Variants in PCDHGB5 observed in about 807,000 individuals in gnomAD.
PCDHGB5 encodes protocadherin gamma-B5.
Under a neutral mutation model 62.9 loss-of-function variants are expected in PCDHGB5, and 48 were observed. The ratio of observed to expected loss-of-function variants is 0.76; its 90% CI spans 0.61 to 0.97. The LOEUF is 0.97. PCDHGB5 is among the 50% of genes least tolerant of loss of function. The pLI, the probability that PCDHGB5 is intolerant of heterozygous loss-of-function variation, is 0.00. For synonymous variants in PCDHGB5, 474 were observed against 511.2 expected (o/e 0.93, Z 0.98); for missense variants, 1,118 against 1,198.6 (o/e 0.93, Z 0.99).
At chr5:141,419,443 C>A in intron 1 of PCDHGB5, 1 of 1,613,080 alleles carries the variant, frequency 6.2e-7, no homozygotes, top group Non-Finnish European at 8.5e-7. Context: ...TGCGCACCTT[C>A]GAGCTCACGC....
At chr5:141,437,460 T>C (rs2097886220) in intron 1 of PCDHGB5, among the ~76,000 whole-genome samples, 1 of 152,230 alleles carries the variant, frequency 6.6e-6, no homozygotes, top group South Asian at 2.1e-4. Flanking sequence ...GAGACTATAC[T>C]ATACTTTTAT....
At position 141,476,943 on chromosome 5, in the gene PCDHGB5, A is replaced by G. The variant is rs538990482; in HGVS notation, c.2398-17864A>G. On this transcript the variant is annotated intron_variant, in intron 1 of 3. Coordinates refer to ENST00000617380, the MANE Select transcript of PCDHGB5 (RefSeq NM_018925.3). This position sits in a 1 kb window ranked among gnomAD's most constrained non-coding sequence, Gnocchi z 7.6. ...GCAACGGATCTGGATGAAGGCCCCA[A>G]CGGTGAAATTATTTACTCCTTCGGC... 14 of 1,614,170 alleles carry G rather than the reference A, an allele frequency of 8.7e-6. No individual in the cohort carries two copies. Among genetic ancestry groups the G allele is most frequent in the South Asian group, 1.1e-5 (1 of 91,086 alleles).
At chr5:141,478,299 G>A (rs201916687) in intron 1 of PCDHGB5, 1 of 1,614,056 alleles carries the variant, frequency 6.2e-7, no homozygotes, top group Non-Finnish European at 8.5e-7. Flanking sequence ...GACCTATACC[G>A]AGCCCCGGTG....
chr5:141,403,254 G>A (rs2094383546), intron 1 of PCDHGB5: 3 of 1,613,830 alleles, frequency 1.9e-6, no homozygotes, highest in Non-Finnish European at 2.5e-6. Flanking sequence ...CAGAGCCCGC[G>A]GTGTCTGGTG....
intron 1 of PCDHGB5, among the ~76,000 whole-genome samples, chr5:141,484,774 C>T (rs1269490742): frequency 6.6e-6 from 1 of 151,782 alleles, no homozygotes; most frequent in Non-Finnish European, 1.5e-5. Context: ...ATGTTGTCTG[C>T]CTCCCCACAG....
At chr5:141,430,980 T>C in intron 1 of PCDHGB5, 1 of 1,613,618 alleles carries the variant, frequency 6.2e-7, no homozygotes, top group African/African-American at 1.3e-5. Context: ...AGGACGCAGC[T>C]TTTCGCCCTG....
chr5:141,511,711 T>G lies in PCDHGB5; in HGVS notation c.*538T>G. 1 of 185,916 alleles carries G rather than the reference T, an allele frequency of 5.4e-6. No individual in the cohort carries two copies. Among genetic ancestry groups the G allele is most frequent in the South Asian group, 1.1e-4 (1 of 8,818 alleles). The allele number at this position is 185,916 out of a possible 1,614,324, so 11.5% of individuals were successfully genotyped here. A position where few individuals can be genotyped will look rare whatever the true frequency, so the allele number is the denominator to read the frequency against. Reference sequence around the variant, plus strand: ...GTTTGGTGCCAGCCCCTTCACCTCCTTCCAGAGCCCAAGATCAATGCTCAA... The same window carrying G: ...GTTTGGTGCCAGCCCCTTCACCTCCGTCCAGAGCCCAAGATCAATGCTCAA... On this transcript the variant is annotated 3_prime_UTR_variant, in exon 4 of 4. Transcript: ENST00000617380.
intron 1 of PCDHGB5, among the ~76,000 whole-genome samples, chr5:141,453,049 G>C (rs1287375098): frequency 1.3e-5 from 2 of 152,222 alleles, no homozygotes; most frequent in East Asian, 3.9e-4. Context: ...TCTATTATGT[G>C]CAGTTTTAGA....
At chr5:141,430,633 C>T in intron 1 of PCDHGB5, 1 of 868,018 alleles carries the variant, frequency 1.2e-6, no homozygotes, top group Non-Finnish European at 1.7e-6. Context: ...ATGAACCATC[C>T]CTGGGAGTAT....
chr5:141,409,613 A>G lies in PCDHGB5; in HGVS notation c.2397+9089A>G, dbSNP rs370495173. On this transcript the variant is annotated intron_variant, in intron 1 of 3. Coordinates refer to ENST00000617380, the MANE Select transcript of PCDHGB5 (RefSeq NM_018925.3). Reference sequence around the variant, plus strand: ...CGAGAACAACCCGCCAGGAGCCTCCATTGCGCAAGTGAGCGCCTCTGACCC... The same window carrying G: ...CGAGAACAACCCGCCAGGAGCCTCCGTTGCGCAAGTGAGCGCCTCTGACCC... The G allele has an allele frequency of 8.4e-5, 136 of 1,613,856 alleles. No individual in the cohort carries two copies. Among genetic ancestry groups the G allele is most frequent in the Middle Eastern group, 8.2e-4 (5 of 6,062 alleles).
rs747671382 is a variant in PCDHGB5 at position 141,444,152 on chromosome 5, A to ATTTTTTTT, written c.2397+43657_2397+43664dup. ...GATATGTGTCACTTGTGTGTACTGG[A>ATTTTTTTT]TTTTTTTTTTTTTTTTTTTTTTTTT... On this transcript the variant is annotated intron_variant, in intron 1 of 3. Transcript: ENST00000617380. Among the ~76,000 whole-genome samples, 8 of 33,898 alleles carry ATTTTTTTT rather than the reference A, an allele frequency of 2.4e-4. 3 individuals are homozygous for ATTTTTTTT. Among genetic ancestry groups the ATTTTTTTT allele is most frequent in the African/African-American group, 5.6e-4 (4 of 7,184 alleles). The allele number at this position is 33,898 out of a possible 152,430, so 22.2% of individuals were successfully genotyped here.
intron 1 of PCDHGB5, among the ~76,000 whole-genome samples, chr5:141,451,429 G>A (rs577699188): frequency 1.3e-3 from 195 of 152,306 alleles, no homozygotes; most frequent in African/African-American, 4.5e-3. Flanking sequence ...TAGACTAAGG[G>A]TTCCAGTTCC....
At chr5:141,434,035 T>C (rs2154556047) in intron 1 of PCDHGB5, among the ~76,000 whole-genome samples, 1 of 152,316 alleles carries the variant, frequency 6.6e-6, no homozygotes, top group Non-Finnish European at 1.5e-5. Flanking sequence ...AAGCATGGTT[T>C]TCTATTTTAT....
chr5:141,431,162 G>C lies in PCDHGB5; in HGVS notation c.2397+30638G>C, dbSNP rs757521794. The C allele has an allele frequency of 3.1e-6, 5 of 1,614,246 alleles. No homozygotes were observed. The South Asian group carries it at 5.5e-5, about 18-fold the overall frequency. On this transcript the variant is annotated intron_variant, in intron 1 of 3. Coordinates refer to ENST00000617380, the MANE Select transcript of PCDHGB5 (RefSeq NM_018925.3). The surrounding 1 kb of genome is among the most constrained non-coding windows in gnomAD (Gnocchi z 4.8). Reference sequence around the variant, plus strand: ...TAACGACAATGCGCCTTACTTTCGTGAAAGTGAATTAGAAATAAAAATTAG... The same window carrying C: ...TAACGACAATGCGCCTTACTTTCGTCAAAGTGAATTAGAAATAAAAATTAG...
chr5:141,433,304 C>T, intron 1 of PCDHGB5: 1 of 932,004 alleles, frequency 1.1e-6, no homozygotes, highest in Non-Finnish European at 1.6e-6. Context: ...AGCAATTATC[C>T]CACCTTTGCC....
intron 2 of PCDHGB5, among the ~76,000 whole-genome samples, chr5:141,496,335 C>G (rs2099768099): frequency 1.3e-5 from 2 of 152,204 alleles, no homozygotes; most frequent in Admixed American, 6.5e-5. Flanking sequence ...AAGTCAGGAG[C>G]CTGGAGGAGT....
At chr5:141,467,699 T>A (rs1368755814) in intron 1 of PCDHGB5, among the ~76,000 whole-genome samples, 1 of 152,194 alleles carries the variant, frequency 6.6e-6, no homozygotes, top group Non-Finnish European at 1.5e-5. Context: ...TCTGGCTCTG[T>A]TGCCCAGGCT....
chr5:141,439,960 T>G (rs1297261423), intron 1 of PCDHGB5: 1 of 152,668 alleles, frequency 6.6e-6, no homozygotes, highest in African/African-American at 2.4e-5. Flanking sequence ...AGATCCGTTA[T>G]TCAGTCCTAG....
At chr5:141,454,316 A>G (rs887472165) in intron 1 of PCDHGB5, among the ~76,000 whole-genome samples, 4 of 152,188 alleles carry the variant, frequency 2.6e-5, no homozygotes, top group Non-Finnish European at 4.4e-5. Context: ...AAGCATTGAA[A>G]CCTCCAAGAA....
Sources: gnomAD v4.1 joint callset for allele counts (sites outside exome capture counted in the v4.1 genomes callset) on GRCh38, gnomAD v4.1.1 for gene constraint, Gnocchi (gnomAD v3.1) non-coding constraint, MANE v1.5 for transcripts, NCBI Gene and HGNC (gene_info 2026-07-23, HGNC 2026-07-21) for gene names.